CARHSP1: variants seen among roughly 807,000 people sequenced by gnomAD.
CARHSP1 encodes the protein calcium-regulated heat-stable protein 1.
Under a neutral mutation model 12.5 loss-of-function variants are expected in CARHSP1, and 14 were observed. The observed-to-expected ratio is 1.12, with a 90% CI of 0.74 to 1.75. CARHSP1 has a LOEUF of 1.75. Ranked by LOEUF, CARHSP1 falls within the 40% of genes most tolerant of loss-of-function variation. CARHSP1 has a pLI of 0.00. For missense variants in CARHSP1, 343 were observed against 201.6 expected, an observed-to-expected ratio of 1.70 and a Z score of -4.25; for synonymous variants, 161 against 82.0, an observed-to-expected ratio of 1.96 and a Z score of -5.20.
chr16:8,865,498 C>T (rs8050692), intron 1 of CARHSP1, among the ~76,000 whole-genome samples: 73,374 of 152,104 alleles, frequency 0.48, 17,932 homozygotes, highest in Admixed American at 0.52. Flanking sequence ...AGACACCTCA[C>T]TCTTGGCAAA....
At position 8,858,453 on chromosome 16, in the gene CARHSP1, C is replaced by A. The variant is rs780630820; in HGVS notation, c.178G>T (p.Gly60Cys). 1 of 1,613,752 alleles carries A rather than the reference C, an allele frequency of 6.2e-7. No homozygotes were observed. The highest frequency in any genetic ancestry group is 8.5e-7 in the Non-Finnish European group (1 of 1,180,028). ...TFSATVRASQ[G>C]PVYKGVCKCF... Reference sequence around the variant, plus strand: ...TTGCAGACTCCTTTGTAGACGGGGCCCTGTGAAGCCCGCACCGTCCTGACA... The same window carrying A: ...TTGCAGACTCCTTTGTAGACGGGGCACTGTGAAGCCCGCACCGTCCTGACA... Residue 60 changes from glycine to cysteine, a missense_variant, in exon 3 of 4, where the codon GGC (glycine) becomes TGC (cysteine). Physicochemically the swap from Gly to Cys is radical, Grantham distance 159 (BLOSUM62 -3). Transcript: ENST00000311052.
intron 1 of CARHSP1, among the ~76,000 whole-genome samples, chr16:8,863,562 C>T (rs1421124076): frequency 5.3e-5 from 8 of 152,172 alleles, no homozygotes; most frequent in East Asian, 1.9e-4. Context: ...ACGGAGCAGA[C>T]GTGACTAGGG....
Position 8,858,337 on chromosome 16 carries a change from G to A in CARHSP1, c.281+13C>T. On this transcript the variant is annotated intron_variant, in intron 3 of 3. Transcript: ENST00000311052. Reference sequence around the variant, plus strand: ...CACCCCAGCCAGGCCACCCAGACCTGCCGCTGACTCACTCAGAGATGTGCA... The same window carrying A: ...CACCCCAGCCAGGCCACCCAGACCTACCGCTGACTCACTCAGAGATGTGCA... 1 of 1,612,410 alleles carries A rather than the reference G, an allele frequency of 6.2e-7. No homozygotes were observed. Among genetic ancestry groups the A allele is most frequent in the Non-Finnish European group, 8.5e-7 (1 of 1,179,740 alleles).
intron 1 of CARHSP1, among the ~76,000 whole-genome samples, chr16:8,864,706 C>T (rs1279163497): frequency 1.3e-5 from 2 of 152,192 alleles, no homozygotes; most frequent in African/African-American, 4.8e-5. Flanking sequence ...CTGATGAGTG[C>T]CCGGCCAAGG....
chr16:8,855,782 C>T (rs1488341077), intron 3 of CARHSP1, among the ~76,000 whole-genome samples: 1 of 152,194 alleles, frequency 6.6e-6, no homozygotes, highest in Non-Finnish European at 1.5e-5. Flanking sequence ...CCAGGAGTCT[C>T]AGAAACCGCA....
chr16:8,866,630 G>C (rs12932988), intron 1 of CARHSP1, among the ~76,000 whole-genome samples: 33,139 of 151,894 alleles, frequency 0.22, 3,719 homozygotes, highest in African/African-American at 0.28. Context: ...CGTCAGGCTG[G>C]CCTAGCCACA....
intron 1 of CARHSP1, chr16:8,860,244 G>A (rs2061309297): frequency 1.0e-6 from 1 of 983,422 alleles, no homozygotes; most frequent in Admixed American, 6.1e-5. Context: ...GGGAAAGGGA[G>A]AATTTCCAAG....
chr16:8,859,048 C>A, intron 2 of CARHSP1, 123 bp downstream of exon 2: 1 of 902,522 alleles, frequency 1.1e-6, no homozygotes, highest in Non-Finnish European at 1.6e-6. Context: ...CACGGCCCAG[C>A]CCCAGGTCTG....
At chr16:8,857,280 T>TTG (rs1567181222) in intron 3 of CARHSP1, among the ~76,000 whole-genome samples, 21 of 119,010 alleles carry the variant, frequency 1.8e-4, no homozygotes, top group South Asian at 9.6e-4. Flanking sequence ...TTTTTTTTTT[T>TTG]TTTTTTTTTT....
At chr16:8,867,571 G>A (rs2061472793) in intron 1 of CARHSP1, 1 of 152,274 alleles carries the variant, frequency 6.6e-6, no homozygotes, top group Non-Finnish European at 1.5e-5. Context: ...CCCTACCTAG[G>A]GGACCCACCG....
chr16:8,861,904 GCAACTCCACAGTTAGAGACACTGC>G, intron 1 of CARHSP1: 2 of 817,352 alleles, frequency 2.4e-6, no homozygotes, highest in Non-Finnish European at 3.2e-6. Flanking sequence ...CAGTGGCCTC[GCAACTCCACAGTTAGAGACACTGC>G]CCTGCCTTGT....
chr16:8,857,282 T>TTTG (rs1567181245), intron 3 of CARHSP1, among the ~76,000 whole-genome samples: 3 of 124,234 alleles, frequency 2.4e-5, no homozygotes, highest in South Asian at 3.0e-4. Context: ...TTTTTTTTTT[T>TTTG]TTTTTTTTTT....
chr16:8,864,915 C>T (rs557711427), intron 1 of CARHSP1, among the ~76,000 whole-genome samples: 3 of 152,186 alleles, frequency 2.0e-5, no homozygotes, highest in Non-Finnish European at 2.9e-5. Context: ...TCAGCCTGCC[C>T]GCATGTCTGG....
At chr16:8,865,833 A>C (rs1040202739) in intron 1 of CARHSP1, among the ~76,000 whole-genome samples, 1 of 152,256 alleles carries the variant, frequency 6.6e-6, no homozygotes, top group Admixed American at 6.5e-5. Flanking sequence ...GAGGAAACTA[A>C]GGCACAGAGT....
At chr16:8,867,801 G>A (rs117497492) in intron 1 of CARHSP1, 2,728 of 152,546 alleles carry the variant, frequency 0.018, 34 homozygotes, top group Middle Eastern at 0.034. Context: ...CGAAGGGAGG[G>A]AGAACAGAGG....
At chr16:8,857,172 C>T (rs1428118840) in intron 3 of CARHSP1, among the ~76,000 whole-genome samples, 1 of 151,836 alleles carries the variant, frequency 6.6e-6, no homozygotes, top group Admixed American at 6.6e-5. Context: ...GCACCATGCA[C>T]AGCTGACACC....
At chr16:8,864,322 A>G in intron 1 of CARHSP1, among the ~76,000 whole-genome samples, 1 of 142,298 alleles carries the variant, frequency 7.0e-6, no homozygotes, top group South Asian at 2.3e-4. Context: ...ACCGCACAGC[A>G]CGCTGGGCAC....
rs2061162543 is a variant in CARHSP1, at chr16:8,857,287, T to TTGTTTTTTTTTTG, written c.281+1062_281+1063insCAAAAAAAAAACA. Among the ~76,000 whole-genome samples the TTGTTTTTTTTTTG allele has an allele frequency of 7.3e-5, 9 of 123,978 alleles. 1 individual carries two copies. Among genetic ancestry groups the TTGTTTTTTTTTTG allele is most frequent in the African/African-American group, 3.0e-4 (9 of 29,928 alleles). 81.3% of individuals were successfully genotyped at this position (123,978 alleles called of 152,430 possible). A position where few individuals can be genotyped will look rare whatever the true frequency, so the allele number is the denominator to read the frequency against. On this transcript the variant is annotated intron_variant, in intron 3 of 3. Transcript: ENST00000311052. The stretch of plus-strand genomic sequence containing the variant: ...TGTTTTTTTTTTTTTTTTTTTTTTT[T>TTGTTTTTTTTTTG]TTTTTTTTTTTTGAGATGGAGTTTT...
At chr16:8,861,600 G>T in intron 1 of CARHSP1, 1 of 1,287,590 alleles carries the variant, frequency 7.8e-7, no homozygotes, top group Non-Finnish European at 1.0e-6. Context: ...TCTCCCGTTG[G>T]GCCTCAGTTC....
Sources: allele counts gnomAD v4.1 joint callset (sites outside exome capture counted in the v4.1 genomes callset), GRCh38; gene constraint gnomAD v4.1.1; transcripts MANE v1.5; gene names NCBI Gene and HGNC (gene_info 2026-07-23, HGNC 2026-07-21).